Variants in LANCL3 observed in about 807,000 individuals in gnomAD.
LANCL3 encodes lanC-like protein 3.
Under a neutral mutation model 26.5 loss-of-function variants are expected in LANCL3, and 19 were observed. The ratio of observed to expected loss-of-function variants is 0.72; its 90% CI spans 0.50 to 1.05. The LOEUF (loss-of-function observed/expected upper bound fraction) is 1.05. Ranked by LOEUF, LANCL3 falls within the 50% of genes least tolerant of loss-of-function variation. The pLI is 0.00. For missense variants in LANCL3, 318 were observed against 362.7 expected (o/e 0.88, Z 1.00); for synonymous variants, 160 against 166.6 (o/e 0.96, Z 0.30).
At chrX:37,651,757 C>T (rs1556429004) in intron 1 of LANCL3, among the ~76,000 whole-genome samples, 2 of 110,655 alleles carry the variant, frequency 1.8e-5, no homozygotes, top group Non-Finnish European at 3.8e-5. Flanking sequence ...CTCCCTCCCC[C>T]AACCCCATGA....
chrX:37,669,710 A>G (rs782251066), intron 4 of LANCL3, among the ~76,000 whole-genome samples: 1 of 111,868 alleles, frequency 8.9e-6, no homozygotes, highest in East Asian at 2.8e-4. Flanking sequence ...TTTGTGAATT[A>G]CCCAGTCTCA....
intron 4 of LANCL3, among the ~76,000 whole-genome samples, chrX:37,674,602 T>C (rs1926753134): frequency 8.9e-6 from 1 of 111,882 alleles, no homozygotes; most frequent in African/African-American, 3.2e-5. Context: ...GCATTAATAG[T>C]CTACTGTTTA....
intron 1 of LANCL3, among the ~76,000 whole-genome samples, chrX:37,586,217 G>T (rs1480473672): frequency 9.0e-6 from 1 of 111,451 alleles, no homozygotes; most frequent in East Asian, 2.8e-4. Flanking sequence ...TTTTTCTCTG[G>T]CTACCCTTAA....
intron 1 of LANCL3, among the ~76,000 whole-genome samples, chrX:37,645,025 G>A (rs1297709525): frequency 8.9e-6 from 1 of 112,323 alleles, no homozygotes; most frequent in Non-Finnish European, 1.9e-5. Flanking sequence ...TCCTGTTTTT[G>A]TAGATAAGGA....
chrX:37,647,431 A>T (rs1022734190), intron 1 of LANCL3, among the ~76,000 whole-genome samples: 4 of 112,547 alleles, frequency 3.6e-5, no homozygotes, highest in African/African-American at 1.3e-4. Flanking sequence ...CTCTAACTTT[A>T]AAAAAAGACA....
chrX:37,630,040 C>T (rs1925444553), intron 1 of LANCL3, among the ~76,000 whole-genome samples: 1 of 110,756 alleles, frequency 9.0e-6, no homozygotes, highest in Non-Finnish European at 1.9e-5. Flanking sequence ...TTACCTTGGG[C>T]AGTATGGCCA....
chrX:37,659,112 T>G (rs1295563920), intron 2 of LANCL3, among the ~76,000 whole-genome samples: 3 of 113,066 alleles, frequency 2.7e-5, no homozygotes, highest in African/African-American at 9.7e-5. Context: ...AAATTTTTTC[T>G]GTAAAGGGCT....
chrX:37,640,438 C>A (rs1925834647), intron 1 of LANCL3, among the ~76,000 whole-genome samples: 1 of 111,471 alleles, frequency 9.0e-6, no homozygotes, highest in Non-Finnish European at 1.9e-5. Flanking sequence ...TCCCACAAGG[C>A]CCTTCCCCCG....
In LANCL3 at chrX:37,680,125, G is replaced by A. The variant is rs1175716438; in HGVS notation, c.*4312G>A. 1 of 111,471 alleles carries A rather than the reference G, an allele frequency of 9.0e-6. No homozygotes were observed. The highest frequency in any genetic ancestry group is 1.9e-5 in the Non-Finnish European group (1 of 53,083). The allele number at this position is 111,471 out of a possible 1,213,427, so 9.2% of individuals were successfully genotyped here. A position where few individuals can be genotyped will look rare whatever the true frequency, so the allele number is the denominator to read the frequency against. ...AGCTGGATTACCCTTTGGACAGAAG[G>A]GCAGACAACCTCAAGGTCAGCAGCA... On this transcript the variant is annotated 3_prime_UTR_variant, in exon 5 of 5. Transcript: ENST00000378619.
intron 1 of LANCL3, among the ~76,000 whole-genome samples, chrX:37,638,241 C>T (rs1267386353): frequency 1.8e-5 from 2 of 110,908 alleles, no homozygotes; most frequent in African/African-American, 6.6e-5. Flanking sequence ...TCCTAGCTGC[C>T]CTCAGGTTTC....
intron 1 of LANCL3, among the ~76,000 whole-genome samples, chrX:37,607,840 C>G (rs1279325816): frequency 8.9e-6 from 1 of 112,146 alleles, no homozygotes; most frequent in Non-Finnish European, 1.9e-5. Context: ...AAGTTTCTGG[C>G]TAGCTGAGAA....
intron 1 of LANCL3, among the ~76,000 whole-genome samples, chrX:37,584,524 A>G (rs782442761): frequency 3.1e-4 from 34 of 111,113 alleles, no homozygotes; most frequent in Middle Eastern, 9.1e-3. Flanking sequence ...CAGAGATTCA[A>G]CTTCTTCCTG....
chrX:37,640,706 T>C (rs191548999), intron 1 of LANCL3, among the ~76,000 whole-genome samples: 2 of 111,778 alleles, frequency 1.8e-5, no homozygotes, highest in Admixed American at 1.9e-4. Flanking sequence ...TCTCAGCCAT[T>C]CCAGGGCCAG....
At chrX:37,638,334 G>C (rs782048407) in intron 1 of LANCL3, among the ~76,000 whole-genome samples, 1 of 111,806 alleles carries the variant, frequency 8.9e-6, no homozygotes, top group Admixed American at 9.5e-5. Flanking sequence ...AAGGGCAGGG[G>C]AAGTGAAATC....
chrX:37,587,011 A>G (rs1924109864), intron 1 of LANCL3, among the ~76,000 whole-genome samples: 1 of 112,627 alleles, frequency 8.9e-6, no homozygotes, highest in Admixed American at 9.3e-5. Context: ...TTTTCCTTCT[A>G]ACAGTCAGGA....
At chrX:37,581,210 T>A (rs1286484912) in intron 1 of LANCL3, among the ~76,000 whole-genome samples, 2 of 112,126 alleles carry the variant, frequency 1.8e-5, no homozygotes, top group Admixed American at 1.9e-4. Flanking sequence ...CTTCATGATT[T>A]TCATCATTTT....
intron 1 of LANCL3, among the ~76,000 whole-genome samples, chrX:37,614,771 A>C (rs1389017454): frequency 8.9e-6 from 1 of 112,364 alleles, no homozygotes; most frequent in Non-Finnish European, 1.9e-5. Context: ...AAGCACAATT[A>C]GCACTACTAG....
chrX:37,598,852 A>AT (rs1924506896), intron 1 of LANCL3, among the ~76,000 whole-genome samples: 1 of 111,785 alleles, frequency 8.9e-6, no homozygotes, highest in African/African-American at 3.2e-5. Context: ...TGTCTGTGGC[A>AT]TTTTTTCCCA....
At chrX:37,605,198 C>G (rs1190677902) in intron 1 of LANCL3, among the ~76,000 whole-genome samples, 1 of 111,903 alleles carries the variant, frequency 8.9e-6, no homozygotes, top group Non-Finnish European at 1.9e-5. Context: ...TATTAAACTG[C>G]AGATTGAGGC....
Sources: gnomAD v4.1 joint callset for allele counts (sites outside exome capture counted in the v4.1 genomes callset) on GRCh38, gnomAD v4.1.1 for gene constraint, MANE v1.5 for transcripts, NCBI Gene and HGNC (gene_info 2026-07-23, HGNC 2026-07-21) for gene names.